Variants in KATNA1 observed in about 807,000 individuals in gnomAD.
The protein encoded by KATNA1 is katanin p60 ATPase-containing subunit A1.
KATNA1 carries 42 observed loss-of-function variants against 62.6 expected under a neutral mutation model. The observed-to-expected ratio is 0.67, with a 90% CI of 0.52 to 0.87. The LOEUF (loss-of-function observed/expected upper bound fraction) is 0.87, where lower values mean the gene tolerates loss of function less well. KATNA1 is among the 40% of genes least tolerant of loss of function. The probability of loss-of-function intolerance (pLI) is 0.00; values close to 1 mark genes in which losing one functional copy is unlikely to be tolerated. For synonymous variants in KATNA1, 186 were observed against 201.9 expected (o/e 0.92, Z 0.67); for missense variants, 498 against 612.5 (o/e 0.81, Z 1.97).
At chr6:149,634,329 T>C (rs1406609254) in intron 2 of KATNA1, among the ~76,000 whole-genome samples, 1 of 101,926 alleles carries the variant, frequency 9.8e-6, no homozygotes, top group Admixed American at 1.0e-4. Flanking sequence ...ATAAATTGCA[T>C]AACAAATTGA....
rs58570838 is a variant in KATNA1, at chr6:149,629,088, TCA to T, written c.320+3669_320+3670del. Among the ~76,000 whole-genome samples, 551 of 152,096 alleles carry T rather than the reference TCA, an allele frequency of 3.6e-3. 3 individuals carry two copies. Among genetic ancestry groups the T allele is most frequent in the African/African-American group, 0.013 (524 of 41,498 alleles). On this transcript the variant is annotated intron_variant, in intron 3 of 10. Transcript: ENST00000367411. ...TTAGGGCTTAACTTCCCACCACCCC[TCA>T]GAGGAAATCCTCCCTCTCTGCTTGT...
chr6:149,646,019 T>A (rs1048117752), intron 1 of KATNA1, among the ~76,000 whole-genome samples: 7 of 152,108 alleles, frequency 4.6e-5, no homozygotes, highest in Non-Finnish European at 7.4e-5. Flanking sequence ...ATTTCACACC[T>A]AAAGAGGATA....
chr6:149,627,721 G>A (rs940189384), intron 3 of KATNA1, among the ~76,000 whole-genome samples: 7 of 151,514 alleles, frequency 4.6e-5, no homozygotes, highest in African/African-American at 1.7e-4. Flanking sequence ...GGATCATCAG[G>A]GGTGGTTTTT....
chr6:149,616,577 T>G (rs761363532), intron 4 of KATNA1, among the ~76,000 whole-genome samples: 1 of 152,136 alleles, frequency 6.6e-6, no homozygotes, highest in African/African-American at 2.4e-5. Flanking sequence ...CTGGCCAACA[T>G]GGTGAAACCC....
At position 149,604,713 on chromosome 6, in the gene KATNA1, A is replaced by G; in HGVS notation, c.571T>C (p.Leu191=). The G allele has an allele frequency of 6.2e-7, 1 of 1,612,612 alleles. No individual in the cohort carries two copies. Among genetic ancestry groups the G allele is most frequent in the Non-Finnish European group, 8.5e-7 (1 of 1,178,626 alleles). ...ATATCTCTTTCCAAAGCTTCTACTAAGTCTTTATCATATCCGGTACTATCA... is the reference window on the plus strand; with the variant it reads ...ATATCTCTTTCCAAAGCTTCTACTAGGTCTTTATCATATCCGGTACTATCA... ...KFDSTGYDKD[L]VEALERDIIS... is the part of the protein sequence containing the mutation. The change falls in exon 5 of 11, where the codon TTA becomes CTA. Residue 191 remains leucine, a synonymous_variant. Coordinates refer to ENST00000367411, the MANE Select transcript of KATNA1 (RefSeq NM_007044.4).
chr6:149,634,912 T>C (rs2114615505), intron 2 of KATNA1, among the ~76,000 whole-genome samples: 1 of 151,148 alleles, frequency 6.6e-6, no homozygotes, highest in Non-Finnish European at 1.5e-5. Flanking sequence ...TCAATTCATA[T>C]GCAACCAAGG....
At chr6:149,610,552 A>C (rs1278728686) in intron 4 of KATNA1, among the ~76,000 whole-genome samples, 2 of 152,214 alleles carry the variant, frequency 1.3e-5, no homozygotes, top group East Asian at 3.8e-4. Flanking sequence ...AACAGGAAGA[A>C]AACAAGAAAA....
chr6:149,603,226 C>A, intron 6 of KATNA1, 42 bp downstream of exon 6: 1 of 804,386 alleles, frequency 1.2e-6, no homozygotes, highest in Non-Finnish European at 2.1e-6. Context: ...TATCAACATG[C>A]TGCCATTTAC....
At chr6:149,598,444 G>T in intron 7 of KATNA1, 94 bp from the exon 8 acceptor site, 1 of 1,272,746 alleles carries the variant, frequency 7.9e-7, no homozygotes, top group Non-Finnish European at 1.1e-6. Context: ...GCTGAGGGAG[G>T]CTGGGCACAG....
At position 149,623,653 on chromosome 6, in the gene KATNA1, G is replaced by A. The variant is rs186994920; in HGVS notation, c.321-370C>T. On this transcript the variant is annotated intron_variant, in intron 3 of 10. Transcript: ENST00000367411. ...CTCGGGAGGCTGAAGCAGGACAATC[G>A]TTTGAACCTGGGAGGTGGAGACTGG... 1.8e-3 allele frequency among the ~76,000 whole-genome samples: 268 copies of A among 152,164 alleles called. 2 individuals are homozygous for A. Among genetic ancestry groups the A allele is most frequent in the Admixed American group, 3.6e-3 (55 of 15,250 alleles).
intron 3 of KATNA1, among the ~76,000 whole-genome samples, chr6:149,627,210 T>C (rs1037628689): frequency 1.3e-5 from 2 of 151,152 alleles, no homozygotes; most frequent in African/African-American, 4.9e-5. Context: ...CTGGCCAACA[T>C]GGAGAAACCC....
In KATNA1 at chr6:149,626,366, C is replaced by T. The variant is rs1334762436; in HGVS notation, c.321-3083G>A. Among the ~76,000 whole-genome samples the T allele has an allele frequency of 2.0e-4, 27 of 135,928 alleles. 1 individual carries two copies. In the South Asian group the frequency reaches 6.5e-3, roughly 33 times the overall value. The allele number at this position is 135,928 out of a possible 152,430, so 89.2% of individuals were successfully genotyped here. On this transcript the variant is annotated intron_variant, in intron 3 of 10. Coordinates refer to ENST00000367411, the MANE Select transcript of KATNA1 (RefSeq NM_007044.4). The stretch of plus-strand genomic sequence containing the variant: ...CGGGAGTGCTGTGGCGCGATCTCCG[C>T]TCACTGCAAGCTCCGCCTTCCGGGT...
intron 4 of KATNA1, among the ~76,000 whole-genome samples, chr6:149,615,041 G>C (rs1034972150): frequency 2.1e-5 from 3 of 143,946 alleles, no homozygotes; most frequent in Non-Finnish European, 1.5e-5. Context: ...GCTGATGCAA[G>C]AGAATCGCTT....
At chr6:149,603,107 T>G (rs1245180333) in intron 6 of KATNA1, among the ~76,000 whole-genome samples, 161 bp downstream of exon 6, 2 of 152,250 alleles carry the variant, frequency 1.3e-5, no homozygotes, top group East Asian at 3.8e-4. Flanking sequence ...CAACAGCTTC[T>G]GGTCTAACAA....
chr6:149,611,473 A>G lies in KATNA1; in HGVS notation c.502-6691T>C, dbSNP rs1334450045. 6.8e-5 allele frequency among the ~76,000 whole-genome samples: 10 copies of G among 148,144 alleles called. No homozygotes were observed. In the South Asian group the frequency reaches 1.7e-3, roughly 25 times the overall value. On this transcript the variant is annotated intron_variant, in intron 4 of 10. Transcript: ENST00000367411. Reference sequence around the variant, plus strand: ...GCAAAACTCTGTCTCAAAAAAAAAAAAAAAAAGAAAAAAGAAAAAAGAAAA... The same window carrying G: ...GCAAAACTCTGTCTCAAAAAAAAAAGAAAAAAGAAAAAAGAAAAAAGAAAA...
intron 2 of KATNA1, among the ~76,000 whole-genome samples, chr6:149,637,209 T>C (rs1780094890): frequency 6.6e-6 from 1 of 151,000 alleles, no homozygotes; most frequent in South Asian, 2.1e-4. Context: ...CCTAAGAGTT[T>C]GAGACCAGCC....
At chr6:149,599,244 G>C (rs1227697994) in intron 7 of KATNA1, among the ~76,000 whole-genome samples, 1 of 152,010 alleles carries the variant, frequency 6.6e-6, no homozygotes, top group East Asian at 1.9e-4. Context: ...ATGGAGAGAG[G>C]GAAAGAGTGA....
chr6:149,602,737 T>C (rs77983872), intron 6 of KATNA1, among the ~76,000 whole-genome samples: 1 of 151,900 alleles, frequency 6.6e-6, no homozygotes, highest in Non-Finnish European at 1.5e-5. Context: ...TTTTTTTTTT[T>C]TGAGACAGAG....
intron 1 of KATNA1, among the ~76,000 whole-genome samples, chr6:149,639,937 T>C (rs908428210): frequency 1.3e-5 from 2 of 152,198 alleles, no homozygotes; most frequent in Admixed American, 1.3e-4. Flanking sequence ...GCAGAATAAA[T>C]AGTGAATATT....
Sources: gnomAD v4.1 joint callset for allele counts (sites outside exome capture counted in the v4.1 genomes callset) on GRCh38, gnomAD v4.1.1 for gene constraint, MANE v1.5 for transcripts, NCBI Gene and HGNC (gene_info 2026-07-23, HGNC 2026-07-21) for gene names.